TCEANC2: variants seen among roughly 807,000 people sequenced by gnomAD.
TCEANC2 encodes the protein transcription elongation factor A N-terminal and central domain containing 2.
A neutral mutation model predicts 22.8 loss-of-function variants in TCEANC2; 20 were observed. The ratio of observed to expected loss-of-function variants is 0.88; its 90% confidence interval spans 0.62 to 1.28. The LOEUF is 1.28. Among genes scored for constraint, TCEANC2 ranks in the 50% most tolerant of loss-of-function variants. The pLI, the probability that TCEANC2 is intolerant of heterozygous loss-of-function variation, is 0.00. For missense variants in TCEANC2, 251 were observed against 249.7 expected (o/e 1.01, Z -0.03); for synonymous variants, 84 against 95.5 (o/e 0.88, Z 0.70).
In TCEANC2 at chr1:54,104,501, G is replaced by A. The variant is rs1658712191; in HGVS notation, c.*8028G>A. The A allele has an allele frequency of 2.3e-6, 1 of 425,942 alleles. No individual in the cohort carries two copies. The highest frequency in any genetic ancestry group is 1.7e-5 in the South Asian group (1 of 57,902). The allele number at this position is 425,942 out of a possible 1,614,324, so 26.4% of individuals were successfully genotyped here. A position where few individuals can be genotyped will look rare whatever the true frequency, so the allele number is the denominator to read the frequency against. ...AAGGGAGGTATATCTTTGGTACTCA[G>A]TTGATTCACGTGGAGACTTCTTGGT... On this transcript the variant is annotated 3_prime_UTR_variant, in exon 5 of 5. Coordinates refer to ENST00000234827, the MANE Select transcript of TCEANC2 (RefSeq NM_153035.3).
At chr1:54,059,369 C>T (rs908396066) in intron 2 of TCEANC2, among the ~76,000 whole-genome samples, 13 of 152,184 alleles carry the variant, frequency 8.5e-5, no homozygotes, top group African/African-American at 3.1e-4. Context: ...CCACCCTGGC[C>T]TTGAACTCTT....
chr1:54,058,953 C>A (rs948711592), intron 2 of TCEANC2, among the ~76,000 whole-genome samples: 2 of 151,940 alleles, frequency 1.3e-5, no homozygotes, highest in Non-Finnish European at 2.9e-5. Context: ...CTGTGCCCAG[C>A]CTCTTGCTGT....
At chr1:54,079,222 C>T (rs141376184) in intron 3 of TCEANC2, among the ~76,000 whole-genome samples, 1 of 152,258 alleles carries the variant, frequency 6.6e-6, no homozygotes, top group East Asian at 1.9e-4. Context: ...AACAAAACCC[C>T]TCTTCTTACA....
At chr1:54,075,850 C>CT (rs1221660010) in intron 3 of TCEANC2, among the ~76,000 whole-genome samples, 1 of 151,914 alleles carries the variant, frequency 6.6e-6, no homozygotes, top group African/African-American at 2.4e-5. Context: ...CTTGTCTTTA[C>CT]TAAAAATATA....
chr1:54,062,374 T>C (rs558759672), intron 2 of TCEANC2, among the ~76,000 whole-genome samples: 24 of 152,350 alleles, frequency 1.6e-4, no homozygotes, highest in African/African-American at 5.8e-4. Flanking sequence ...TTGAGACATT[T>C]CTTGATATAT....
chr1:54,112,376 C>G (rs2100402274), exon 5 of TCEANC2: 1 of 152,188 alleles, frequency 6.6e-6, no homozygotes, highest in South Asian at 2.1e-4. Context: ...ACAACAAAAT[C>G]ACTGTGTAAT....
intron 3 of TCEANC2, among the ~76,000 whole-genome samples, chr1:54,078,059 T>C (rs528134767): frequency 6.6e-6 from 1 of 152,378 alleles, no homozygotes; most frequent in East Asian, 1.9e-4. Context: ...TTTTCTTAAA[T>C]CTTACAAATT....
rs1256976510 is a variant in TCEANC2, at chr1:54,102,041, G to T, written c.*5568G>T. Reference sequence around the variant, plus strand: ...CTCTTGAAAGTAAAAGACAATTATTGCATCTCACTCCAACCATTAAGAAGG... The same window carrying T: ...CTCTTGAAAGTAAAAGACAATTATTTCATCTCACTCCAACCATTAAGAAGG... On this transcript the variant is annotated 3_prime_UTR_variant, in exon 5 of 5. Coordinates refer to ENST00000234827, the MANE Select transcript of TCEANC2 (RefSeq NM_153035.3). 2.6e-5 allele frequency: 4 copies of T among 152,204 alleles called. No individual in the cohort carries two copies. The allele number at this position is 152,204 out of a possible 1,614,324, so 9.4% of individuals were successfully genotyped here. A position where few individuals can be genotyped will look rare whatever the true frequency, so the allele number is the denominator to read the frequency against.
intron 4 of TCEANC2, among the ~76,000 whole-genome samples, chr1:54,091,713 A>G (rs1251574040): frequency 6.6e-6 from 1 of 152,158 alleles, no homozygotes; most frequent in Non-Finnish European, 1.5e-5. Context: ...CCCAGGCTCC[A>G]TTCCCCTTTA....
intron 4 of TCEANC2, among the ~76,000 whole-genome samples, chr1:54,090,896 A>G (rs1046405356): frequency 2.0e-5 from 3 of 152,214 alleles, no homozygotes; most frequent in African/African-American, 7.2e-5. Context: ...GCTTGTAAGG[A>G]TTAATGAGCA....
chr1:54,069,603 C>CAAA (rs1333889985), intron 3 of TCEANC2, among the ~76,000 whole-genome samples: 2 of 67,642 alleles, frequency 3.0e-5, no homozygotes, highest in Non-Finnish European at 3.2e-5. Flanking sequence ...GACTCTGTCT[C>CAAA]AAAAAAAAAA....
Position 54,061,134 on chromosome 1 carries a change from A to G in TCEANC2, c.102+6610A>G, listed in dbSNP as rs1042853884. On this transcript the variant is annotated intron_variant, in intron 2 of 4. Transcript: ENST00000234827. ...GCTCTTCTGTTTCCTCTATGTATGC[A>G]TGATGCTTGGTGTGTTCACAATGGC... Among the ~76,000 whole-genome samples, 6 of 152,216 alleles carry G rather than the reference A, an allele frequency of 3.9e-5. 1 individual carries two copies. Among genetic ancestry groups the G allele is most frequent in the South Asian group, 4.1e-4 (2 of 4,834 alleles).
downstream of TCEANC2, among the ~76,000 whole-genome samples, chr1:54,107,611 T>G (rs1658778841): frequency 6.6e-6 from 1 of 152,170 alleles, no homozygotes; most frequent in Admixed American, 6.5e-5. Flanking sequence ...TGCCATTTAA[T>G]TTTTTTGATA....
intron 2 of TCEANC2, among the ~76,000 whole-genome samples, chr1:54,066,635 A>C (rs1657960917): frequency 6.6e-6 from 1 of 152,230 alleles, no homozygotes; most frequent in Non-Finnish European, 1.5e-5. Flanking sequence ...AAAATAATGG[A>C]ATACTATCCA....
chr1:54,063,275 T>C (rs1557686665), intron 2 of TCEANC2, among the ~76,000 whole-genome samples: 1 of 152,140 alleles, frequency 6.6e-6, no homozygotes, highest in Non-Finnish European at 1.5e-5. Flanking sequence ...CATCCACTGG[T>C]CCAGGGAAGC....
At chr1:54,086,358 C>G (rs983150278) in intron 3 of TCEANC2, among the ~76,000 whole-genome samples, 1 of 152,068 alleles carries the variant, frequency 6.6e-6, no homozygotes, top group Admixed American at 6.6e-5. Context: ...AACAGAAGCG[C>G]AAGGTGCTAA....
At position 54,096,465 on chromosome 1, in the gene TCEANC2, A is replaced by C. The variant is rs764835560; in HGVS notation, c.619A>C (p.Lys207Gln). 3 of 1,600,800 alleles carry C rather than the reference A, an allele frequency of 1.9e-6. No individual in the cohort carries two copies. The Admixed American group carries it at 5.0e-5, about 27-fold the overall frequency. Residue 207 changes from lysine to glutamine, a missense_variant, in exon 5 of 5, where the codon AAA (lysine) becomes CAA (glutamine). Transcript: ENST00000234827. The surrounding 1 kb of genome is among the most constrained non-coding windows in gnomAD (Gnocchi z 4.9). ...AGTCGGCACGTTTGTACAGACCCAC[A>C]AAAAGTGACCTGAGGACGGTTCCAG... ...LPVGTFVQTH[K>Q]K
chr1:54,067,049 G>A (rs980249930), intron 2 of TCEANC2, among the ~76,000 whole-genome samples: 1 of 152,194 alleles, frequency 6.6e-6, no homozygotes, highest in Non-Finnish European at 1.5e-5. Context: ...AAGCAAGAGT[G>A]CCACGATATT....
intron 2 of TCEANC2, among the ~76,000 whole-genome samples, chr1:54,066,628 A>G (rs1351479974): frequency 4.6e-5 from 7 of 152,260 alleles, no homozygotes; most frequent in Non-Finnish European, 1.0e-4. Flanking sequence ...GTGTATAAAA[A>G]TAATGGAATA....
Sources: allele counts gnomAD v4.1 joint callset (sites outside exome capture counted in the v4.1 genomes callset), GRCh38; gene constraint gnomAD v4.1.1; non-coding constraint Gnocchi (gnomAD v3.1); transcripts MANE v1.5; gene names NCBI Gene and HGNC (gene_info 2026-07-23, HGNC 2026-07-21).